Variants in SESTD1 observed in about 807,000 individuals in gnomAD.
SESTD1 encodes the protein SEC14 and spectrin domain containing 1.
A neutral mutation model predicts 101.7 loss-of-function variants in SESTD1; 43 were observed. The observed-to-expected ratio is 0.42, with a 90% CI of 0.33 to 0.55. SESTD1 has a LOEUF of 0.55. Among genes scored for constraint, SESTD1 ranks in the 20% least tolerant of loss-of-function variants. SESTD1 has a pLI of 0.07. For synonymous variants in SESTD1, 283 were observed against 286.8 expected, an observed-to-expected ratio of 0.99 and a Z score of 0.13; for missense variants, 647 against 815.1, an observed-to-expected ratio of 0.79 and a Z score of 2.51.
chr2:179,219,021 A>C (rs1019777535), intron 1 of SESTD1, among the ~76,000 whole-genome samples: 5 of 152,306 alleles, frequency 3.3e-5, no homozygotes, highest in Admixed American at 3.3e-4. Flanking sequence ...CCTTGACGGG[A>C]AATCACAGGA....
intron 5 of SESTD1, among the ~76,000 whole-genome samples, chr2:179,155,935 T>C (rs1352748228): frequency 6.6e-6 from 1 of 152,154 alleles, no homozygotes; most frequent in Admixed American, 6.5e-5. Flanking sequence ...TTATCATTCT[T>C]ATGCCTTTGT....
At chr2:179,193,420 T>A (rs2046346804) in intron 1 of SESTD1, among the ~76,000 whole-genome samples, 1 of 152,194 alleles carries the variant, frequency 6.6e-6, no homozygotes, top group Non-Finnish European at 1.5e-5. Context: ...ACAATTTACA[T>A]CTTTAATCTA....
chr2:179,198,348 T>A (rs1417747926), intron 1 of SESTD1, among the ~76,000 whole-genome samples: 1 of 152,042 alleles, frequency 6.6e-6, no homozygotes, highest in African/African-American at 2.4e-5. Flanking sequence ...TCCCACACAT[T>A]AATAATGGGA....
intron 16 of SESTD1, 118 bp from the exon 17 acceptor site, chr2:179,112,963 G>C (rs1308424390): frequency 9.0e-6 from 12 of 1,340,002 alleles, no homozygotes; most frequent in Non-Finnish European, 1.2e-5. Context: ...ATGGAATCAA[G>C]CTCATACAAA....
chr2:179,249,531 G>C (rs190085283), intron 1 of SESTD1, among the ~76,000 whole-genome samples: 259 of 152,182 alleles, frequency 1.7e-3, no homozygotes, highest in South Asian at 0.016. Context: ...AAAACATTGA[G>C]AGACATAACA....
chr2:179,192,757 T>G (rs1006109561), intron 1 of SESTD1, among the ~76,000 whole-genome samples: 2 of 152,184 alleles, frequency 1.3e-5, no homozygotes, highest in African/African-American at 2.4e-5. Context: ...GCAGGACCTT[T>G]CAAACAAAAC....
intron 5 of SESTD1, among the ~76,000 whole-genome samples, chr2:179,164,084 A>T (rs1441507730): frequency 1.3e-5 from 2 of 152,220 alleles, no homozygotes; most frequent in African/African-American, 4.8e-5. Context: ...TTCTGCACTT[A>T]GTAAAGATTC....
rs1399470238 is a variant in SESTD1 at position 179,105,285 on chromosome 2, ATTTTC to A, written c.*4609_*4613del. 6.7e-6 allele frequency: 1 copy of A among 149,794 alleles called. No homozygotes were observed. Among genetic ancestry groups the A allele is most frequent in the African/African-American group, 2.5e-5 (1 of 40,530 alleles). The allele number at this position is 149,794 out of a possible 1,614,324, so 9.3% of individuals were successfully genotyped here. ...CTCACTAATATCCAATCCTAGTATG[ATTTTC>A]TTTTACTTGTGTCTATTAACAGGGT... On this transcript the variant is annotated 3_prime_UTR_variant, in exon 18 of 18. Transcript: ENST00000428443.
intron 2 of SESTD1, among the ~76,000 whole-genome samples, chr2:179,190,085 T>C (rs556077993): frequency 3.4e-4 from 52 of 152,078 alleles, no homozygotes; most frequent in Admixed American, 3.1e-3. Flanking sequence ...AAAAGCCCAA[T>C]TAGCTACAGC....
At chr2:179,191,689 C>T (rs2046322321) in intron 2 of SESTD1, 98 bp downstream of exon 2, 2 of 1,006,154 alleles carry the variant, frequency 2.0e-6, no homozygotes, top group African/African-American at 1.6e-5. Flanking sequence ...TTAAACAAAA[C>T]TTTCATTAAA....
chr2:179,220,315 A>T (rs1282591829), intron 1 of SESTD1, among the ~76,000 whole-genome samples: 1 of 152,170 alleles, frequency 6.6e-6, no homozygotes, highest in African/African-American at 2.4e-5. Context: ...AAAAAATTTT[A>T]AAAATCTTTG....
chr2:179,187,865 T>C (rs1384736655), intron 2 of SESTD1, among the ~76,000 whole-genome samples: 18 of 152,142 alleles, frequency 1.2e-4, no homozygotes. Flanking sequence ...AGGGTTCAAT[T>C]CAACATGAAT....
chr2:179,127,384 A>G (rs1421964887), intron 10 of SESTD1, among the ~76,000 whole-genome samples: 1 of 152,244 alleles, frequency 6.6e-6, no homozygotes, highest in Non-Finnish European at 1.5e-5. Flanking sequence ...CCATATAGTA[A>G]GACAGTATTA....
chr2:179,196,838 T>C (rs2046405456), intron 1 of SESTD1, among the ~76,000 whole-genome samples: 1 of 151,874 alleles, frequency 6.6e-6, no homozygotes, highest in African/African-American at 2.4e-5. Flanking sequence ...CAAAAGTAGA[T>C]AAAACCACAA....
rs1340004770 is a variant in SESTD1 at position 179,106,839 on chromosome 2, A to G, written c.*3060T>C. ...AGCCAATTTGACCTAAAATGAAGTC[A>G]TCATTTTTGCATAACTCTGCTGGGT... On this transcript the variant is annotated 3_prime_UTR_variant, in exon 18 of 18. Coordinates refer to ENST00000428443, the MANE Select transcript of SESTD1 (RefSeq NM_178123.5). The G allele has an allele frequency of 1.3e-5, 2 of 152,194 alleles. No homozygotes were observed. The highest frequency in any genetic ancestry group is 4.8e-5 in the African/African-American group (2 of 41,450). The allele number at this position is 152,194 out of a possible 1,614,324, so 9.4% of individuals were successfully genotyped here.
chr2:179,117,632 A>T lies in SESTD1; in HGVS notation c.1443-19T>A, dbSNP rs145870625. Reference sequence around the variant, plus strand: ...TTCACATCTAATGAACCCAAACATAAATTTAACTCATCATTTCTGTTTTAT... The same window carrying T: ...TTCACATCTAATGAACCCAAACATATATTTAACTCATCATTTCTGTTTTAT... On this transcript the variant is annotated intron_variant, in intron 13 of 17. Coordinates refer to ENST00000428443, the MANE Select transcript of SESTD1 (RefSeq NM_178123.5). 362 of 1,542,118 alleles carry T rather than the reference A, an allele frequency of 2.3e-4. No homozygotes were observed. The African/African-American group carries it at 4.5e-3, about 19-fold the overall frequency.
chr2:179,251,584 CTGCACAAGAGA>C (rs2047317973), intron 1 of SESTD1, among the ~76,000 whole-genome samples: 1 of 152,116 alleles, frequency 6.6e-6, no homozygotes, highest in African/African-American at 2.4e-5. Context: ...CAGCATGATC[CTGCACAAGAGA>C]TGCACTATAG....
At chr2:179,200,736 T>G (rs2046495893) in intron 1 of SESTD1, among the ~76,000 whole-genome samples, 1 of 136,862 alleles carries the variant, frequency 7.3e-6, no homozygotes, top group Non-Finnish European at 1.6e-5. Flanking sequence ...AAGCTGAAAC[T>G]GGATCCCTTC....
intron 1 of SESTD1, among the ~76,000 whole-genome samples, chr2:179,201,945 A>T (rs1227781441): frequency 7.9e-6 from 1 of 126,616 alleles, no homozygotes; most frequent in South Asian, 3.0e-4. Flanking sequence ...TAATAATAAT[A>T]ATAATAATAA....
Sources: allele counts gnomAD v4.1 joint callset (sites outside exome capture counted in the v4.1 genomes callset), GRCh38; gene constraint gnomAD v4.1.1; transcripts MANE v1.5; gene names NCBI Gene and HGNC (gene_info 2026-07-23, HGNC 2026-07-21).